Variants in CDC73 observed in about 807,000 individuals in gnomAD.
CDC73 encodes parafibromin.
Under a neutral mutation model 83.7 loss-of-function variants are expected in CDC73, and 21 were observed. The observed-to-expected ratio is 0.25, with a 90% CI of 0.18 to 0.36. The LOEUF is 0.36. Among genes scored for constraint, CDC73 ranks in the 10% least tolerant of loss-of-function variants. The probability of loss-of-function intolerance (pLI) is 1.00; values close to 1 mark genes in which losing one functional copy is unlikely to be tolerated. For missense variants in CDC73, 342 were observed against 653.3 expected, an observed-to-expected ratio of 0.52 and a Z score of 5.19; for synonymous variants, 224 against 212.9, an observed-to-expected ratio of 1.05 and a Z score of -0.45.
intron 2 of CDC73, 62 bp downstream of exon 2, chr1:193,125,279 G>A (rs1385955361): frequency 1.9e-6 from 2 of 1,070,250 alleles, no homozygotes. Context: ...TTATTTAAGA[G>A]ACAGGGTCTG....
At chr1:193,163,110 A>G (rs1676367711) in intron 10 of CDC73, among the ~76,000 whole-genome samples, 1 of 151,776 alleles carries the variant, frequency 6.6e-6, no homozygotes, top group South Asian at 2.1e-4. Flanking sequence ...TCTGATAGTA[A>G]ATTTGTAGGT....
At chr1:193,130,339 A>C (rs1003353271) in intron 3 of CDC73, 96 bp downstream of exon 3, 3 of 849,150 alleles carry the variant, frequency 3.5e-6, no homozygotes, top group Non-Finnish European at 6.0e-6. Flanking sequence ...TTGTATTTCC[A>C]CCAAAAAATT....
chr1:193,141,823 A>G lies in CDC73; in HGVS notation c.513-27A>G, dbSNP rs758608415. ...ATACACTCCAGGAATGCCTGCTGTG[A>G]AAATTTAAAAAAGAAATTGCTTTTA... On this transcript the variant is annotated intron_variant, in intron 6 of 16. Transcript: ENST00000367435. 2.0e-6 allele frequency: 3 copies of G among 1,517,088 alleles called. No individual in the cohort carries two copies. In the South Asian group the frequency reaches 3.4e-5, roughly 17 times the overall value. The allele number at this position is 1,517,088 out of a possible 1,614,324, so 94.0% of individuals were successfully genotyped here.
chr1:193,221,704 C>T (rs1486016130), intron 13 of CDC73, among the ~76,000 whole-genome samples: 1 of 152,134 alleles, frequency 6.6e-6, no homozygotes, highest in Non-Finnish European at 1.5e-5. Context: ...GTGTCATTCT[C>T]TTTAGTCTTG....
intron 15 of CDC73, among the ~76,000 whole-genome samples, chr1:193,241,824 G>A (rs953124471): frequency 6.6e-6 from 1 of 152,216 alleles, no homozygotes; most frequent in Non-Finnish European, 1.5e-5. Context: ...CAGCCAAGTT[G>A]GCCTGTCCTC....
chr1:193,203,169 A>G (rs1159428317), intron 10 of CDC73, among the ~76,000 whole-genome samples: 2 of 152,178 alleles, frequency 1.3e-5, no homozygotes, highest in Non-Finnish European at 2.9e-5. Flanking sequence ...TATAATTGAT[A>G]TACTTCAACA....
At chr1:193,227,055 C>T (rs1266764176) in intron 13 of CDC73, among the ~76,000 whole-genome samples, 3 of 151,896 alleles carry the variant, frequency 2.0e-5, no homozygotes, top group African/African-American at 7.3e-5. Flanking sequence ...AGGTTTGAAT[C>T]TTCCCAGGAA....
At chr1:193,218,031 C>G (rs1041473048) in intron 13 of CDC73, among the ~76,000 whole-genome samples, 10 of 152,170 alleles carry the variant, frequency 6.6e-5, no homozygotes, top group Admixed American at 4.6e-4. Flanking sequence ...AGATTCCTAG[C>G]ACTGATAAAC....
chr1:193,178,222 C>A (rs990057415), intron 10 of CDC73, among the ~76,000 whole-genome samples: 1 of 151,980 alleles, frequency 6.6e-6, no homozygotes, highest in Non-Finnish European at 1.5e-5. Context: ...ACTGTTTGAT[C>A]CAGTCGCCTT....
chr1:193,207,429 A>G (rs1435326511), intron 11 of CDC73, among the ~76,000 whole-genome samples: 3 of 152,182 alleles, frequency 2.0e-5, no homozygotes, highest in Admixed American at 6.6e-5. Context: ...TCCCAATCAT[A>G]GTAAGCTTGA....
chr1:193,145,337 C>T (rs758938474), intron 7 of CDC73, among the ~76,000 whole-genome samples: 8 of 152,110 alleles, frequency 5.3e-5, no homozygotes, highest in Non-Finnish European at 1.2e-4. Flanking sequence ...CCTTTTCCAG[C>T]TGTTTGTGTG....
chr1:193,138,553 G>A (rs1227406789), intron 6 of CDC73, among the ~76,000 whole-genome samples: 1 of 152,142 alleles, frequency 6.6e-6, no homozygotes, highest in Non-Finnish European at 1.5e-5. Context: ...AACTTTTGTG[G>A]TGTGGGGAAA....
At chr1:193,125,348 T>A in intron 2 of CDC73, 131 bp downstream of exon 2, 1 of 691,256 alleles carries the variant, frequency 1.4e-6, no homozygotes, top group Non-Finnish European at 2.6e-6. Flanking sequence ...AGCCTCGAAC[T>A]CCTAGGCTCA....
At chr1:193,233,220 T>C in intron 14 of CDC73, 66 bp downstream of exon 14, 1 of 1,428,480 alleles carries the variant, frequency 7.0e-7, no homozygotes, top group Non-Finnish European at 9.9e-7. Context: ...ATGTTGTTAT[T>C]GCCGTTGATG....
chr1:193,122,242 G>A lies in CDC73; in HGVS notation c.42G>A (p.Gln14=). Residue 14 remains glutamine, a synonymous_variant, in exon 1 of 17, where the codon CAG becomes CAA. Coordinates refer to ENST00000367435, the MANE Select transcript of CDC73 (RefSeq NM_024529.5). The part of the protein sequence containing the change: ...VLSVLRQYNI[Q]KKEIVVKGDE... ...GCGTCCTGCGACAGTACAACATCCA[G>A]AAGAAGGAGATTGTGGTGAAGGGAG... 6.2e-7 allele frequency: 1 copy of A among 1,614,212 alleles called. No individual in the cohort carries two copies. The highest frequency in any genetic ancestry group is 8.5e-7 in the Non-Finnish European group (1 of 1,180,026).
chr1:193,233,702 G>A (rs1677700524), intron 14 of CDC73, among the ~76,000 whole-genome samples: 1 of 151,986 alleles, frequency 6.6e-6, no homozygotes, highest in South Asian at 2.1e-4. Context: ...TAGATTTTTG[G>A]TTTGGAGAAT....
At chr1:193,159,269 GT>G (rs1676266030) in intron 10 of CDC73, among the ~76,000 whole-genome samples, 1 of 152,204 alleles carries the variant, frequency 6.6e-6, no homozygotes. Flanking sequence ...CATCAGAAAG[GT>G]GGTATAACTT....
intron 10 of CDC73, among the ~76,000 whole-genome samples, chr1:193,165,392 A>C (rs776093299): frequency 6.6e-6 from 1 of 152,256 alleles, no homozygotes; most frequent in Non-Finnish European, 1.5e-5. Flanking sequence ...ATAAAGTAGT[A>C]TCATTGTAAA....
chr1:193,187,906 G>A (rs1242905502), intron 10 of CDC73, among the ~76,000 whole-genome samples: 1 of 152,138 alleles, frequency 6.6e-6, no homozygotes, highest in Non-Finnish European at 1.5e-5. Flanking sequence ...AAGTTTGAAG[G>A]AGAGGACTAA....
Sources: gnomAD v4.1 joint callset for allele counts (sites outside exome capture counted in the v4.1 genomes callset) on GRCh38, gnomAD v4.1.1 for gene constraint, MANE v1.5 for transcripts, NCBI Gene and HGNC (gene_info 2026-07-23, HGNC 2026-07-21) for gene names.